The following PCSK5 variants were observed in gnomAD, a reference collection of about 807,000 sequenced individuals.
PCSK5 encodes prohormone convertase 5.
Under a neutral mutation model 233.2 loss-of-function variants are expected in PCSK5, and 129 were observed. That is an observed-to-expected ratio of 0.55 (90% CI 0.48 to 0.64). The LOEUF (loss-of-function observed/expected upper bound fraction) is 0.64, where lower values mean the gene tolerates loss of function less well. Among genes scored for constraint, PCSK5 ranks in the 30% least tolerant of loss-of-function variants. The pLI is 0.00. For synonymous variants in PCSK5, 825 were observed against 879.2 expected, an observed-to-expected ratio of 0.94 and a Z score of 1.09; for missense variants, 2,076 against 2,430.1, an observed-to-expected ratio of 0.85 and a Z score of 3.06.
At chr9:76,053,205 G>A (rs561332671) in intron 5 of PCSK5, among the ~76,000 whole-genome samples, 7 of 152,154 alleles carry the variant, frequency 4.6e-5, no homozygotes, top group Admixed American at 2.0e-4. Context: ...GCTCTGCTAC[G>A]CAGTGCCCCA....
At chr9:75,945,221 CAT>C (rs1338285191) in intron 2 of PCSK5, among the ~76,000 whole-genome samples, 5 of 151,310 alleles carry the variant, frequency 3.3e-5, no homozygotes, top group Non-Finnish European at 7.4e-5. Flanking sequence ...ATAAAAATAA[CAT>C]ACGTGGAACT....
rs776792022 is a variant in PCSK5, at chr9:76,159,008, C to T, written c.1456C>T (p.Arg486Cys). 15 of 1,614,080 alleles carry T rather than the reference C, an allele frequency of 9.3e-6. No individual in the cohort carries two copies. Among genetic ancestry groups the T allele is most frequent in the South Asian group, 2.2e-5 (2 of 91,074 alleles). The change falls in exon 12 of 38, where the codon CGC becomes TGC. Residue 486 changes from arginine to cysteine, a missense_variant. Around this residue, in one of 6 missense-constraint regions of PCSK5, gnomAD observed 64 missense variants for 68.6 expected, o/e 0.93. Transcript: ENST00000674117. ...IKTIRPNSAVRSIYKASGCSD... is the reference protein window; with the variant it reads ...IKTIRPNSAVCSIYKASGCSD... ...GACAATCCGCCCTAACAGTGCAGTG[C>T]GCTCCATCTACAAAGCTTCAGGCTG...
intron 20 of PCSK5, among the ~76,000 whole-genome samples, chr9:76,201,307 C>T (rs371792616): frequency 2.6e-5 from 4 of 152,184 alleles, no homozygotes; most frequent in Admixed American, 2.0e-4. Flanking sequence ...CCCCCATATG[C>T]GGAGTACTTC....
chr9:75,994,941 A>G (rs1380146223), intron 3 of PCSK5, among the ~76,000 whole-genome samples: 2 of 152,142 alleles, frequency 1.3e-5, no homozygotes, highest in African/African-American at 4.8e-5. Flanking sequence ...TTCTCTGCTC[A>G]CCTCTCCAAA....
At position 75,969,000 on chromosome 9, in the gene PCSK5, A is replaced by G. The variant is rs552864130; in HGVS notation, c.298-17132A>G. ...TAGAGAAGGTCTGGAAGTCCACTAC[A>G]ATGGGGAAACCTCATGGCCTGCCCT... On this transcript the variant is annotated intron_variant, in intron 2 of 37. Transcript: ENST00000674117. Among the ~76,000 whole-genome samples the G allele has an allele frequency of 3.9e-4, 51 of 130,272 alleles. 1 individual carries two copies. The highest frequency in any genetic ancestry group is 1.4e-3 in the African/African-American group (47 of 34,744). The allele number at this position is 130,272 out of a possible 152,430, so 85.5% of individuals were successfully genotyped here. A position where few individuals can be genotyped will look rare whatever the true frequency, so the allele number is the denominator to read the frequency against.
At chr9:76,093,780 G>C (rs1831396608) in intron 7 of PCSK5, among the ~76,000 whole-genome samples, 1 of 152,064 alleles carries the variant, frequency 6.6e-6, no homozygotes, top group Admixed American at 6.6e-5. Flanking sequence ...GATAGAGAGG[G>C]AACATATTGA....
intron 9 of PCSK5, among the ~76,000 whole-genome samples, chr9:76,112,418 A>G (rs1354755024): frequency 1.3e-5 from 2 of 152,170 alleles, no homozygotes; most frequent in Non-Finnish European, 1.5e-5. Context: ...AATAAATTAA[A>G]CTAACAGCTG....
intron 3 of PCSK5, among the ~76,000 whole-genome samples, chr9:76,020,981 G>A (rs1267674004): frequency 6.6e-6 from 1 of 152,122 alleles, no homozygotes; most frequent in Non-Finnish European, 1.5e-5. Flanking sequence ...GTGAGGAGAG[G>A]CCCAAAAACT....
chr9:75,996,712 C>T (rs890250626), intron 3 of PCSK5, among the ~76,000 whole-genome samples: 3 of 151,918 alleles, frequency 2.0e-5, no homozygotes, highest in Admixed American at 2.0e-4. Flanking sequence ...TTATTTCATA[C>T]AGGTAATTTA....
chr9:76,233,445 CT>C lies in PCSK5; in HGVS notation c.2730-14del. ...AGTCACCCTGATGAATTCTAAAAGT[CT>C]GCTTTTCCTCTAGGATTTTTGATGA... On this transcript the variant is annotated splice_polypyrimidine_tract_variant and intron_variant, in intron 21 of 37. Coordinates refer to ENST00000674117, the MANE Select transcript of PCSK5 (RefSeq NM_001372043.1). 6.2e-7 allele frequency: 1 copy of C among 1,612,480 alleles called. No homozygotes were observed. Among genetic ancestry groups the C allele is most frequent in the Non-Finnish European group, 8.5e-7 (1 of 1,179,684 alleles).
At chr9:76,027,172 TTTCC>T in intron 5 of PCSK5, 135 bp downstream of exon 5, 1 of 583,554 alleles carries the variant, frequency 1.7e-6, no homozygotes, top group South Asian at 2.4e-5. Flanking sequence ...AACAAGTGTC[TTTCC>T]ACTGAAGCCT....
intron 13 of PCSK5, among the ~76,000 whole-genome samples, chr9:76,173,966 CA>C (rs1196340728): frequency 1.3e-5 from 2 of 148,416 alleles, no homozygotes; most frequent in African/African-American, 2.5e-5. Context: ...AGAACGAAAT[CA>C]AAAAAAAAGA....
Position 76,239,185 on chromosome 9 carries a change from C to A in PCSK5, c.3073+20C>A. ...GACAAGGTAAGCCTGCTCCTGGGCC[C>A]TTGCCCAGCACCCGAACATGGGAGG... On this transcript the variant is annotated intron_variant, in intron 23 of 37. Coordinates refer to ENST00000674117, the MANE Select transcript of PCSK5 (RefSeq NM_001372043.1). 1 of 1,547,186 alleles carries A rather than the reference C, an allele frequency of 6.5e-7. No individual in the cohort carries two copies. The highest frequency in any genetic ancestry group is 1.9e-5 in the Admixed American group (1 of 52,120).
chr9:76,347,049 T>A (rs1220820062), intron 35 of PCSK5, among the ~76,000 whole-genome samples: 1 of 150,884 alleles, frequency 6.6e-6, no homozygotes, highest in Non-Finnish European at 1.5e-5. Context: ...TTTTTACTTA[T>A]CCTCTGCATA....
chr9:75,916,836 T>C (rs1429427133), intron 1 of PCSK5, among the ~76,000 whole-genome samples: 1 of 152,142 alleles, frequency 6.6e-6, no homozygotes, highest in Non-Finnish European at 1.5e-5. Flanking sequence ...AGGGGTGATA[T>C]TACCTTGCAT....
At chr9:76,322,462 A>C (rs575400792) in intron 31 of PCSK5, among the ~76,000 whole-genome samples, 1 of 152,326 alleles carries the variant, frequency 6.6e-6, no homozygotes, top group South Asian at 2.1e-4. Flanking sequence ...TCTCCAGAAT[A>C]AGACAGACTC....
intron 1 of PCSK5, among the ~76,000 whole-genome samples, chr9:75,915,539 G>A (rs1822949896): frequency 6.6e-6 from 1 of 152,122 alleles, no homozygotes; most frequent in Non-Finnish European, 1.5e-5. Flanking sequence ...CAGACCGTTG[G>A]CATGTTAGAA....
intron 5 of PCSK5, among the ~76,000 whole-genome samples, chr9:76,031,132 A>G (rs188754084): frequency 3.3e-5 from 5 of 152,184 alleles, no homozygotes; most frequent in Non-Finnish European, 4.4e-5. Flanking sequence ...AAGAGCATGT[A>G]GTCAGGCATT....
At chr9:76,052,774 T>C (rs1480731379) in intron 5 of PCSK5, among the ~76,000 whole-genome samples, 2 of 152,212 alleles carry the variant, frequency 1.3e-5, no homozygotes, top group Non-Finnish European at 2.9e-5. Context: ...CAAAGTCTCA[T>C]CTGACACAAA....
Sources: allele counts gnomAD v4.1 joint callset (sites outside exome capture counted in the v4.1 genomes callset), GRCh38; gene constraint gnomAD v4.1.1; regional missense constraint gnomAD v4.1.1; transcripts MANE v1.5; gene names NCBI Gene and HGNC (gene_info 2026-07-23, HGNC 2026-07-21).